Variants in PLCB4 observed in about 807,000 individuals in gnomAD.
PLCB4 encodes the protein phospholipase C beta 4, also known as 1-phosphatidylinositol 4,5-bisphosphate phosphodiesterase beta-4.
A neutral mutation model predicts 178.8 loss-of-function variants in PLCB4; 77 were observed. The ratio of observed to expected loss-of-function variants is 0.43; its 90% confidence interval spans 0.36 to 0.52. PLCB4 has a LOEUF of 0.52. PLCB4 is among the 20% of genes least tolerant of loss of function. The pLI, the probability that PLCB4 is intolerant of heterozygous loss-of-function variation, is 0.00. For synonymous variants in PLCB4, 496 were observed against 490.8 expected (o/e 1.01, Z -0.14); for missense variants, 1,024 against 1,453.4 (o/e 0.70, Z 4.80).
At chr20:9,470,588 C>T (rs2044122913) in intron 36 of PLCB4, among the ~76,000 whole-genome samples, 1 of 152,140 alleles carries the variant, frequency 6.6e-6, no homozygotes, top group Admixed American at 6.5e-5. Context: ...GACTTTAGCT[C>T]GGTTGAGGTC....
intron 2 of PLCB4, among the ~76,000 whole-genome samples, chr20:9,207,846 A>G (rs1453416325): frequency 6.6e-6 from 1 of 152,232 alleles, no homozygotes; most frequent in Non-Finnish European, 1.5e-5. Flanking sequence ...GGAATCAATT[A>G]TATTTTTTTC....
At chr20:9,301,213 T>G (rs1454861998) in intron 3 of PLCB4, among the ~76,000 whole-genome samples, 1 of 151,894 alleles carries the variant, frequency 6.6e-6, no homozygotes, top group Non-Finnish European at 1.5e-5. Flanking sequence ...TAAGTCCCTT[T>G]TTGCCCTGTA....
intron 2 of PLCB4, among the ~76,000 whole-genome samples, chr20:9,121,880 A>G (rs2146755049): frequency 6.6e-6 from 1 of 152,298 alleles, no homozygotes; most frequent in African/African-American, 2.4e-5. Context: ...TTTAGTTATA[A>G]AATTTGTGAA....
chr20:9,113,144 C>T (rs2091645242), intron 2 of PLCB4, among the ~76,000 whole-genome samples: 1 of 152,168 alleles, frequency 6.6e-6, no homozygotes, highest in South Asian at 2.1e-4. Context: ...GAAAAATGGA[C>T]TCTTTAAAGT....
chr20:9,117,564 C>G (rs752478188), intron 2 of PLCB4, among the ~76,000 whole-genome samples: 2 of 152,156 alleles, frequency 1.3e-5, no homozygotes, highest in African/African-American at 2.4e-5. Context: ...TTGTGTGATT[C>G]CCCTGCTGAA....
At chr20:9,069,984 C>T (rs1044177154) in intron 1 of PLCB4, among the ~76,000 whole-genome samples, 3 of 151,972 alleles carry the variant, frequency 2.0e-5, no homozygotes, top group African/African-American at 7.3e-5. Flanking sequence ...TGTTCTAAAA[C>T]ATGTATTTGA....
intron 4 of PLCB4, among the ~76,000 whole-genome samples, chr20:9,308,751 CTG>C (rs2094798726): frequency 2.0e-5 from 3 of 152,154 alleles, no homozygotes; most frequent in Non-Finnish European, 4.4e-5. Flanking sequence ...CTTGATATTT[CTG>C]CAGGGTGCAT....
intron 9 of PLCB4, among the ~76,000 whole-genome samples, chr20:9,370,008 G>A (rs2036108920): frequency 6.6e-6 from 1 of 152,348 alleles, no homozygotes; most frequent in Non-Finnish European, 1.5e-5. Flanking sequence ...CAATCAGGGA[G>A]CGATTGAAGG....
At chr20:9,416,618 T>G (rs1416028504) in intron 25 of PLCB4, among the ~76,000 whole-genome samples, 1 of 152,228 alleles carries the variant, frequency 6.6e-6, no homozygotes, top group African/African-American at 2.4e-5. Flanking sequence ...CCTTTTGCTG[T>G]ATCATCATAT....
At chr20:9,460,058 G>C (rs113492376) in intron 35 of PLCB4, among the ~76,000 whole-genome samples, 2 of 152,244 alleles carry the variant, frequency 1.3e-5, no homozygotes, top group African/African-American at 4.8e-5. Context: ...AGGATTACTT[G>C]AGCCCAGGAC....
intron 3 of PLCB4, among the ~76,000 whole-genome samples, chr20:9,284,287 G>A (rs1400002512): frequency 6.6e-6 from 1 of 151,926 alleles, no homozygotes; most frequent in African/African-American, 2.4e-5. Flanking sequence ...AGGGAAGAAT[G>A]GTCTAAACTG....
intron 36 of PLCB4, among the ~76,000 whole-genome samples, chr20:9,469,402 G>A (rs909831811): frequency 4.6e-5 from 7 of 152,212 alleles, no homozygotes; most frequent in African/African-American, 1.2e-4. Context: ...GCAACAGTCA[G>A]GAGGGCGGTC....
At chr20:9,260,350 TA>T (rs1218177670) in intron 3 of PLCB4, among the ~76,000 whole-genome samples, 12 of 152,162 alleles carry the variant, frequency 7.9e-5, no homozygotes, top group Non-Finnish European at 1.8e-4. Flanking sequence ...TCTCTTTTTG[TA>T]AAAAGTTTCT....
intron 7 of PLCB4, among the ~76,000 whole-genome samples, chr20:9,361,452 A>C (rs2035319222): frequency 6.6e-6 from 1 of 152,148 alleles, no homozygotes; most frequent in African/African-American, 2.4e-5. Flanking sequence ...CAGAAAGGAG[A>C]ATGGTATTAA....
At chr20:9,206,582 T>G (rs1393045237) in intron 2 of PLCB4, among the ~76,000 whole-genome samples, 1 of 152,186 alleles carries the variant, frequency 6.6e-6, no homozygotes, top group Non-Finnish European at 1.5e-5. Context: ...ACAGGGACAC[T>G]TCAGAGCAGA....
At chr20:9,297,157 AC>A (rs140669435) in intron 3 of PLCB4, among the ~76,000 whole-genome samples, 108 of 149,690 alleles carry the variant, frequency 7.2e-4, no homozygotes, top group African/African-American at 2.1e-3. Context: ...TATAGCCCGC[AC>A]CCCCCCCCAC....
intron 2 of PLCB4, among the ~76,000 whole-genome samples, chr20:9,160,968 C>T (rs888008045): frequency 1.3e-5 from 2 of 152,234 alleles, no homozygotes; most frequent in South Asian, 2.1e-4. Flanking sequence ...AAGCAGAAAG[C>T]GAGCCAGAGT....
intron 3 of PLCB4, among the ~76,000 whole-genome samples, chr20:9,253,311 A>G (rs899627206): frequency 2.6e-5 from 4 of 152,114 alleles, no homozygotes; most frequent in Non-Finnish European, 5.9e-5. Flanking sequence ...GTCTTTGTCC[A>G]TTCACTCACT....
intron 2 of PLCB4, among the ~76,000 whole-genome samples, chr20:9,171,859 C>A (rs888152499): frequency 1.3e-5 from 2 of 152,054 alleles, no homozygotes; most frequent in African/African-American, 2.4e-5. Flanking sequence ...TTTTAAGCCT[C>A]AATGGAATGG....
Sources: gnomAD v4.1 joint callset for allele counts (sites outside exome capture counted in the v4.1 genomes callset) on GRCh38, gnomAD v4.1.1 for gene constraint, MANE v1.5 for transcripts, NCBI Gene and HGNC (gene_info 2026-07-23, HGNC 2026-07-21) for gene names.